Variants in MEIS2 observed in about 807,000 individuals in gnomAD.
MEIS2 encodes Meis homeobox 2.
Under a neutral mutation model 58.6 loss-of-function variants are expected in MEIS2, and 9 were observed. The ratio of observed to expected loss-of-function variants is 0.15; its 90% CI spans 0.09 to 0.27. MEIS2 has a LOEUF of 0.27. Ranked by LOEUF, MEIS2 falls within the 10% of genes least tolerant of loss-of-function variation. The pLI, the probability that MEIS2 is intolerant of heterozygous loss-of-function variation, is 1.00. For synonymous variants in MEIS2, 221 were observed against 228.4 expected (o/e 0.97, Z 0.29); for missense variants, 427 against 635.0 (o/e 0.67, Z 3.52).
chr15:37,003,249 C>A (rs1207814004), intron 8 of MEIS2, among the ~76,000 whole-genome samples: 1 of 151,990 alleles, frequency 6.6e-6, no homozygotes, highest in Admixed American at 6.6e-5. Flanking sequence ...CTGTGTGATA[C>A]TCCAGAAAAT....
intron 7 of MEIS2, among the ~76,000 whole-genome samples, chr15:37,056,164 TTTC>T (rs1177213794): frequency 6.6e-6 from 1 of 152,202 alleles, no homozygotes; most frequent in Non-Finnish European, 1.5e-5. Context: ...ATAGAGAGTC[TTTC>T]TTCATGTTGA....
chr15:37,029,102 G>T (rs2061813910), intron 8 of MEIS2, among the ~76,000 whole-genome samples: 1 of 152,146 alleles, frequency 6.6e-6, no homozygotes, highest in Admixed American at 6.5e-5. Flanking sequence ...TCTAGTATAA[G>T]ATTCCATTCA....
chr15:36,932,598 G>A (rs189655777), intron 9 of MEIS2, among the ~76,000 whole-genome samples: 4 of 152,144 alleles, frequency 2.6e-5, no homozygotes, highest in African/African-American at 7.2e-5. Flanking sequence ...TTTGTTTTTG[G>A]ATTTAATTGT....
chr15:37,004,604 C>T (rs1853118077), intron 8 of MEIS2, among the ~76,000 whole-genome samples: 1 of 152,196 alleles, frequency 6.6e-6, no homozygotes, highest in Non-Finnish European at 1.5e-5. Context: ...GCTCTTTGTA[C>T]ACGTCCACAT....
chr15:36,970,297 G>C (rs371233965), intron 8 of MEIS2, among the ~76,000 whole-genome samples: 1 of 151,834 alleles, frequency 6.6e-6, no homozygotes, highest in Non-Finnish European at 1.5e-5. Context: ...CCAGCTACTC[G>C]GGAGGCTGAG....
At chr15:36,913,089 G>A (rs928191875) in intron 9 of MEIS2, among the ~76,000 whole-genome samples, 80 of 152,200 alleles carry the variant, frequency 5.3e-4, no homozygotes, top group Non-Finnish European at 1.2e-4. Context: ...TAAATTCTAA[G>A]GCAGAACTAT....
At chr15:37,038,517 A>G (rs887083070) in intron 7 of MEIS2, among the ~76,000 whole-genome samples, 2 of 152,224 alleles carry the variant, frequency 1.3e-5, no homozygotes, top group African/African-American at 2.4e-5. Context: ...CCTCCATCAC[A>G]TGGAAGAGAT....
At chr15:37,051,978 C>A (rs202097663) in intron 7 of MEIS2, among the ~76,000 whole-genome samples, 7 of 149,826 alleles carry the variant, frequency 4.7e-5, no homozygotes, top group African/African-American at 9.8e-5. Context: ...ATCCAAGTTG[C>A]AAAAAAAAAA....
intron 8 of MEIS2, among the ~76,000 whole-genome samples, chr15:37,026,057 A>G (rs946762848): frequency 2.0e-5 from 3 of 152,166 alleles, no homozygotes; most frequent in African/African-American, 4.8e-5. Context: ...TAAAAAAAAA[A>G]TCACTGTGAG....
chr15:37,028,457 C>T (rs2061787817), intron 8 of MEIS2, among the ~76,000 whole-genome samples: 1 of 152,144 alleles, frequency 6.6e-6, no homozygotes, highest in African/African-American at 2.4e-5. Flanking sequence ...AATTTTTCCC[C>T]CTCAAGAGAG....
intron 8 of MEIS2, among the ~76,000 whole-genome samples, chr15:37,009,544 C>T (rs1296832309): frequency 2.0e-5 from 3 of 152,152 alleles, no homozygotes; most frequent in African/African-American, 4.8e-5. Flanking sequence ...GAAACATTTA[C>T]ACAAAAGATT....
Position 36,943,989 on chromosome 15 carries a change from T to C in MEIS2, c.977+6335A>G, listed in dbSNP as rs568486257. Among the ~76,000 whole-genome samples, 33 of 152,010 alleles carry C rather than the reference T, an allele frequency of 2.2e-4. 1 individual carries two copies. In the East Asian group the frequency reaches 6.0e-3, roughly 28 times the overall value. On this transcript the variant is annotated intron_variant, in intron 9 of 11. Coordinates refer to ENST00000561208, the MANE Select transcript of MEIS2 (RefSeq NM_170675.5). ...CTCCCATCTCTACAAGATAGAAGGG[T>C]GTCTAGAAATGCTGGTCTGACACCG... is the stretch of plus-strand genomic sequence containing the variant.
intron 7 of MEIS2, among the ~76,000 whole-genome samples, chr15:37,056,510 A>C (rs1052554848): frequency 6.6e-6 from 1 of 152,258 alleles, no homozygotes; most frequent in Non-Finnish European, 1.5e-5. Context: ...CAAATCAACA[A>C]GTCAGCCACC....
intron 8 of MEIS2, among the ~76,000 whole-genome samples, chr15:36,965,724 T>C (rs1356137019): frequency 6.6e-6 from 1 of 152,200 alleles, no homozygotes; most frequent in Non-Finnish European, 1.5e-5. Context: ...GCCCAGGCTA[T>C]AGTTGCACAA....
chr15:36,955,778 G>C (rs1328765873), intron 8 of MEIS2, among the ~76,000 whole-genome samples: 3 of 152,038 alleles, frequency 2.0e-5, no homozygotes, highest in East Asian at 1.9e-4. Context: ...GCATGAAACA[G>C]TATGTATCTC....
intron 8 of MEIS2, among the ~76,000 whole-genome samples, chr15:37,000,984 G>A (rs562154033): frequency 7.9e-5 from 12 of 152,134 alleles, no homozygotes; most frequent in African/African-American, 2.9e-4. Context: ...AGACCGAAAG[G>A]TCACCAATGA....
At chr15:36,994,262 A>G (rs972245648) in intron 8 of MEIS2, among the ~76,000 whole-genome samples, 1 of 152,208 alleles carries the variant, frequency 6.6e-6, no homozygotes, top group African/African-American at 2.4e-5. Flanking sequence ...TTCTACCCCC[A>G]TGATGAAATA....
At chr15:37,029,756 T>C (rs2061841058) in intron 8 of MEIS2, among the ~76,000 whole-genome samples, 1 of 152,174 alleles carries the variant, frequency 6.6e-6, no homozygotes. Flanking sequence ...ATCAGCTAAA[T>C]AGGGCAGATA....
intron 6 of MEIS2, among the ~76,000 whole-genome samples, chr15:37,085,970 A>T (rs1892831576): frequency 6.6e-6 from 1 of 152,240 alleles, no homozygotes; most frequent in South Asian, 2.1e-4. Context: ...AAGAAAAAGA[A>T]GCAATAGCAT....
Sources: gnomAD v4.1 joint callset for allele counts (sites outside exome capture counted in the v4.1 genomes callset) on GRCh38, gnomAD v4.1.1 for gene constraint, MANE v1.5 for transcripts, NCBI Gene and HGNC (gene_info 2026-07-23, HGNC 2026-07-21) for gene names.